FAXC: variants seen among roughly 807,000 people sequenced by gnomAD.
FAXC encodes the protein failed axon connections homolog.
In FAXC, 10 loss-of-function variants were observed where a neutral mutation model predicts 41.9. That is an observed-to-expected ratio of 0.24 (90% CI 0.15 to 0.41). The LOEUF (loss-of-function observed/expected upper bound fraction) is 0.41, where lower values mean the gene tolerates loss of function less well. Among genes scored for constraint, FAXC ranks in the 10% least tolerant of loss-of-function variants. The pLI, the probability that FAXC is intolerant of heterozygous loss-of-function variation, is 1.00. For synonymous variants in FAXC, 183 were observed against 183.8 expected (o/e 1.00, Z 0.03); for missense variants, 399 against 510.9 (o/e 0.78, Z 2.11).
At chr6:99,308,880 T>A (rs6912485) in intron 4 of FAXC, among the ~76,000 whole-genome samples, 18,369 of 152,218 alleles carry the variant, frequency 0.12, 1,411 homozygotes, top group Middle Eastern at 0.18. Context: ...TTCCAATTTT[T>A]TAAAATTTTC....
chr6:99,285,231 T>C (rs998667188), intron 5 of FAXC, among the ~76,000 whole-genome samples: 1 of 152,152 alleles, frequency 6.6e-6, no homozygotes, highest in Non-Finnish European at 1.5e-5. Flanking sequence ...AGCAGTGGTA[T>C]GTAAAGATAT....
chr6:99,280,010 A>G lies in FAXC; in HGVS notation c.*1154T>C, dbSNP rs1171894016. Reference sequence around the variant, plus strand: ...GGCAGGCTTCTGCTTATAAAAATCAATGAAATACTTTCCCTTCAACTCTAT... The same window carrying G: ...GGCAGGCTTCTGCTTATAAAAATCAGTGAAATACTTTCCCTTCAACTCTAT... On this transcript the variant is annotated 3_prime_UTR_variant, in exon 6 of 6. Transcript: ENST00000389677. 6.6e-6 allele frequency: 1 copy of G among 152,224 alleles called. No individual in the cohort carries two copies. Among genetic ancestry groups the G allele is most frequent in the African/African-American group, 2.4e-5 (1 of 41,454 alleles). 9.4% of individuals were successfully genotyped at this position (152,224 alleles called of 1,614,324 possible).
At chr6:99,306,115 T>C (rs1771911294) in intron 4 of FAXC, among the ~76,000 whole-genome samples, 1 of 151,856 alleles carries the variant, frequency 6.6e-6, no homozygotes, top group Non-Finnish European at 1.5e-5. Context: ...GAGACATGAA[T>C]GTCAAGCAGG....
chr6:99,316,907 T>TGA (rs1479632393), intron 4 of FAXC, among the ~76,000 whole-genome samples: 1 of 152,220 alleles, frequency 6.6e-6, no homozygotes, highest in Non-Finnish European at 1.5e-5. Flanking sequence ...GAAGGTGACA[T>TGA]GAAGCAGCAA....
chr6:99,338,104 C>T (rs561062996), intron 2 of FAXC, among the ~76,000 whole-genome samples: 2 of 152,200 alleles, frequency 1.3e-5, no homozygotes, highest in Non-Finnish European at 2.9e-5. Context: ...CGTTGCAACA[C>T]AGCATCCCTT....
intron 4 of FAXC, among the ~76,000 whole-genome samples, chr6:99,321,102 T>C (rs1459554939): frequency 6.6e-6 from 1 of 152,198 alleles, no homozygotes; most frequent in Non-Finnish European, 1.5e-5. Context: ...AGCAGTACTT[T>C]GCCTCTCCTG....
chr6:99,328,718 C>A (rs530160233), intron 3 of FAXC, among the ~76,000 whole-genome samples: 1 of 152,184 alleles, frequency 6.6e-6, no homozygotes, highest in African/African-American at 2.4e-5. Context: ...AGCCTTCCCC[C>A]CTTCTCTCTA....
rs190162214 is a variant in FAXC at position 99,300,453 on chromosome 6, A to G, written c.824-8633T>C. ...GCTCCCGGAAGTCTTAAAGATCTACAGCTAACATCTCCAACAAAGATATCA... is the reference window on the plus strand; with the variant it reads ...GCTCCCGGAAGTCTTAAAGATCTACGGCTAACATCTCCAACAAAGATATCA... On this transcript the variant is annotated intron_variant, in intron 4 of 5. Transcript: ENST00000389677. Among the ~76,000 whole-genome samples the G allele has an allele frequency of 3.3e-5, 5 of 152,330 alleles. No individual in the cohort carries two copies. The East Asian group carries it at 9.6e-4, about 29-fold the overall frequency.
chr6:99,321,467 G>A (rs892916278), intron 4 of FAXC, among the ~76,000 whole-genome samples: 1 of 152,118 alleles, frequency 6.6e-6, no homozygotes, highest in Non-Finnish European at 1.5e-5. Context: ...GACAAATTAT[G>A]ATATTCAGCC....
chr6:99,343,123 GC>G, intron 1 of FAXC, 90 bp from the exon 2 acceptor site: 1 of 1,153,138 alleles, frequency 8.7e-7, no homozygotes, highest in African/African-American at 1.6e-5. Context: ...CAGGGTTGTA[GC>G]TCCTCAATGA....
Position 99,323,576 on chromosome 6 carries a change from T to A in FAXC, c.691A>T (p.Arg231Trp), listed in dbSNP as rs1382178690. ...TTCGTTATGTGGCACACAACCCACC[T>A]CAGCAGGTTGCTGAAGGGACCACCA... ...SGGGPFSNLL[R>W]WVVCHITKGI... The change falls in exon 4 of 6, where the codon AGG (arginine) becomes TGG (tryptophan). Residue 231 changes from arginine to tryptophan, a missense_variant. Physicochemically the swap from Arg to Trp is moderately radical, Grantham distance 101 (BLOSUM62 -3). Coordinates refer to ENST00000389677, the MANE Select transcript of FAXC (RefSeq NM_032511.4). 8.1e-6 allele frequency: 13 copies of A among 1,614,028 alleles called. No individual in the cohort carries two copies. Among genetic ancestry groups the A allele is most frequent in the Non-Finnish European group, 1.1e-5 (13 of 1,180,042 alleles).
At chr6:99,319,238 A>T (rs1407063986) in intron 4 of FAXC, among the ~76,000 whole-genome samples, 1 of 152,196 alleles carries the variant, frequency 6.6e-6, no homozygotes, top group East Asian at 1.9e-4. Flanking sequence ...TCTACTAAAA[A>T]TACAAAAAAA....
chr6:99,349,290 C>G lies in FAXC; in HGVS notation c.83G>C (p.Trp28Ser), dbSNP rs747681242. 3 of 1,613,472 alleles carry G rather than the reference C, an allele frequency of 1.9e-6. No individual in the cohort carries two copies. Among genetic ancestry groups the G allele is most frequent in the Non-Finnish European group, 2.5e-6 (3 of 1,179,990 alleles). The change falls in exon 1 of 6, where the codon TGG becomes TCG. Residue 28 changes from tryptophan (W) to serine (S), a missense_variant. This residue lies in a region of FAXC where 68 missense variants were observed against 63.4 expected (regional missense o/e 1.07). Transcript: ENST00000389677. ...GAAGGGCTCCTCGGACCCGGCCCAC[C>G]AGCCGAAGAAGGAGATGCTCTGGTT... The part of the protein sequence containing the change: ...SWNQSISFFG[W>S]WAGSEEPFSF...
intron 4 of FAXC, among the ~76,000 whole-genome samples, chr6:99,310,770 G>A (rs596550): frequency 0.062 from 9,362 of 152,192 alleles, 932 homozygotes; most frequent in African/African-American, 0.21. Context: ...ACATGTGTGC[G>A]TAGATGTTCA....
At chr6:99,341,084 A>G (rs551504984) in intron 2 of FAXC, among the ~76,000 whole-genome samples, 2 of 152,360 alleles carry the variant, frequency 1.3e-5, no homozygotes, top group South Asian at 4.1e-4. Flanking sequence ...ATTATAACAG[A>G]ATAAATACAG....
In FAXC at chr6:99,291,785, T is replaced by C. The variant is rs201116673; in HGVS notation, c.859A>G (p.Thr287Ala). Residue 287 changes from threonine to alanine, a missense_variant, in exon 5 of 6, where the codon ACT becomes GCT. Physicochemically the swap from Thr to Ala is moderately conservative, Grantham distance 58. Around this residue, in one of 3 missense-constraint regions of FAXC, gnomAD observed 239 missense variants for 352.7 expected, o/e 0.68. Coordinates refer to ENST00000389677, the MANE Select transcript of FAXC (RefSeq NM_032511.4). ...KKYIMGPKLS[T>A]LDATVFGHLA... is the part of the protein sequence containing the mutation. Reference sequence around the variant, plus strand: ...TGTCCAAAGACAGTGGCGTCAAGAGTGGAAAGCTTGGGCCCCATGATGTAC... The same window carrying C: ...TGTCCAAAGACAGTGGCGTCAAGAGCGGAAAGCTTGGGCCCCATGATGTAC... The C allele has an allele frequency of 1.2e-6, 2 of 1,613,660 alleles. No individual in the cohort carries two copies. Among genetic ancestry groups the C allele is most frequent in the African/African-American group, 2.7e-5 (2 of 74,760 alleles).
Position 99,349,355 on chromosome 6 carries a change from G to A in FAXC, c.18C>T (p.Gly6=), listed in dbSNP as rs1773710936. 3 of 1,612,206 alleles carry A rather than the reference G, an allele frequency of 1.9e-6. No homozygotes were observed. Among genetic ancestry groups the A allele is most frequent in the Non-Finnish European group, 2.5e-6 (3 of 1,179,810 alleles). ...CCACGCACGGCCTGGACGAAGCAAAGCCAACCCCCCAGTGCATGCTGCGCG... is the reference window on the plus strand; with the variant it reads ...CCACGCACGGCCTGGACGAAGCAAAACCAACCCCCCAGTGCATGCTGCGCG... MHWGV[G]FASSRPCVVD... is the part of the protein sequence containing the mutation. Residue 6 remains glycine (G), a synonymous_variant, in exon 1 of 6, where the codon GGC becomes GGT. Transcript: ENST00000389677.
chr6:99,346,961 T>C (rs1427571482), intron 1 of FAXC, among the ~76,000 whole-genome samples: 2 of 152,138 alleles, frequency 1.3e-5, no homozygotes, highest in Admixed American at 6.5e-5. Flanking sequence ...AACTCAAACA[T>C]TTGTCCAGAA....
intron 4 of FAXC, among the ~76,000 whole-genome samples, chr6:99,322,056 G>GA (rs1772611754): frequency 6.6e-6 from 1 of 152,192 alleles, no homozygotes; most frequent in African/African-American, 2.4e-5. Flanking sequence ...GTTTCCAAAG[G>GA]AATGAGGCAA....
Sources: gnomAD v4.1 joint callset for allele counts (sites outside exome capture counted in the v4.1 genomes callset) on GRCh38, gnomAD v4.1.1 for gene constraint, gnomAD v4.1.1 regional missense constraint, MANE v1.5 for transcripts, NCBI Gene and HGNC (gene_info 2026-07-23, HGNC 2026-07-21) for gene names.